Variants in DSTYK observed in about 807,000 individuals in gnomAD.
DSTYK encodes dual serine/threonine and tyrosine protein kinase, also known as RIP-homologous kinase.
DSTYK carries 34 observed loss-of-function variants against 98.7 expected under a neutral mutation model. The observed-to-expected ratio is 0.34, with a 90% confidence interval of 0.26 to 0.46. The LOEUF is 0.46. Ranked by LOEUF, DSTYK falls within the 20% of genes least tolerant of loss-of-function variation. The pLI is 1.00. For synonymous variants in DSTYK, 462 were observed against 457.3 expected (o/e 1.01, Z -0.13); for missense variants, 962 against 1,181.7 (o/e 0.81, Z 2.73).
At position 205,211,492 on chromosome 1, in the gene DSTYK, C is replaced by G. The variant is rs753322115; in HGVS notation, c.44G>C (p.Gly15Ala). 69 of 1,580,064 alleles carry G rather than the reference C, an allele frequency of 4.4e-5. No homozygotes were observed. Among genetic ancestry groups the G allele is most frequent in the Non-Finnish European group, 5.6e-5 (65 of 1,167,870 alleles). ...CATTCCGCCGCCGCCGGGGCCGGGA[C>G]CCGAGACGGGCTCGCTGCCCCATGG... is the stretch of plus-strand genomic sequence containing the variant. ...GVPWGSEPVS[G>A]PGPGGGGMIR... is the part of the protein sequence containing the mutation. Residue 15 changes from glycine to alanine, a missense_variant, in exon 1 of 13, where the codon GGT (glycine) becomes GCT (alanine). Physicochemically the swap from Gly to Ala is moderately conservative, Grantham distance 60. This residue lies in a region of DSTYK where 168 missense variants were observed against 120.0 expected (regional missense o/e 1.40). Coordinates refer to ENST00000367162, the MANE Select transcript of DSTYK (RefSeq NM_015375.3).
At chr1:205,164,023 T>A in intron 3 of DSTYK, 68 bp from the exon 4 acceptor site, 2 of 1,337,148 alleles carry the variant, frequency 1.5e-6, no homozygotes, top group Non-Finnish European at 2.1e-6. Flanking sequence ...AATAAAGTCA[T>A]CTCCCAAATC....
At position 205,143,562 on chromosome 1, in the gene DSTYK, CCAAAG is replaced by C. The variant is rs1657134853; in HGVS notation, c.*3991_*3995del. The stretch of plus-strand genomic sequence containing the variant: ...GAATACCAAGCATGCCATCATCTCT[CCAAAG>C]CAAGCCCAAAGGGGGCTTTAACTTC... On this transcript the variant is annotated 3_prime_UTR_variant, in exon 13 of 13. Transcript: ENST00000367162. 6.6e-6 allele frequency: 1 copy of C among 152,604 alleles called. No individual in the cohort carries two copies. The highest frequency in any genetic ancestry group is 2.1e-4 in the South Asian group (1 of 4,826). 9.5% of individuals were successfully genotyped at this position (152,604 alleles called of 1,614,324 possible).
chr1:205,182,058 A>G (rs551726560), intron 2 of DSTYK, among the ~76,000 whole-genome samples: 22 of 152,170 alleles, frequency 1.4e-4, no homozygotes, highest in Admixed American at 1.2e-3. Flanking sequence ...TAAAATAGCA[A>G]TATCTGTTTA....
In DSTYK at chr1:205,159,531, C is replaced by T. The variant is rs1657654491; in HGVS notation, c.2238+16G>A. On this transcript the variant is annotated intron_variant, in intron 9 of 12. Transcript: ENST00000367162. ...CCGTGGATTTGGCTGCCAGCTGGATCTTGCTCTCTCCTTACCTTCAGCCCT... is the reference window on the plus strand; with the variant it reads ...CCGTGGATTTGGCTGCCAGCTGGATTTTGCTCTCTCCTTACCTTCAGCCCT... 1.2e-6 allele frequency: 2 copies of T among 1,603,810 alleles called. No homozygotes were observed. Among genetic ancestry groups the T allele is most frequent in the Non-Finnish European group, 8.5e-7 (1 of 1,175,080 alleles).
intron 2 of DSTYK, chr1:205,173,032 T>C (rs1658113939): frequency 6.6e-6 from 1 of 152,122 alleles, no homozygotes. Flanking sequence ...AAATAGAACA[T>C]ACAACTGCAT....
intron 2 of DSTYK, among the ~76,000 whole-genome samples, chr1:205,185,740 GTAGCCAGGC>G (rs1658542198): frequency 6.6e-6 from 1 of 152,100 alleles, no homozygotes; most frequent in Non-Finnish European, 1.5e-5. Flanking sequence ...ATATAAAAAA[GTAGCCAGGC>G]GTGGTGGCTC....
intron 11 of DSTYK, among the ~76,000 whole-genome samples, chr1:205,149,720 C>T (rs1000712884): frequency 2.6e-5 from 4 of 152,302 alleles, no homozygotes; most frequent in African/African-American, 9.6e-5. Flanking sequence ...CCTCTGTCCC[C>T]TACTCAAAAG....
intron 2 of DSTYK, among the ~76,000 whole-genome samples, chr1:205,179,082 T>C (rs543625362): frequency 6.6e-6 from 1 of 151,354 alleles, no homozygotes; most frequent in Non-Finnish European, 1.5e-5. Flanking sequence ...TGAGCCAAGA[T>C]CTTGCTACTG....
chr1:205,205,611 A>G (rs1659176945), intron 1 of DSTYK, among the ~76,000 whole-genome samples: 1 of 151,890 alleles, frequency 6.6e-6, no homozygotes, highest in Non-Finnish European at 1.5e-5. Flanking sequence ...ATGCCCAGCT[A>G]ATTTTTTGTA....
intron 1 of DSTYK, among the ~76,000 whole-genome samples, chr1:205,210,114 C>T (rs1264292848): frequency 6.6e-6 from 1 of 152,042 alleles, no homozygotes; most frequent in Non-Finnish European, 1.5e-5. Context: ...GTTGGCCAGG[C>T]TGGTCCCGAA....
At chr1:205,181,428 C>T (rs1658393527) in intron 2 of DSTYK, among the ~76,000 whole-genome samples, 2 of 152,242 alleles carry the variant, frequency 1.3e-5, no homozygotes, top group East Asian at 1.9e-4. Context: ...GATCTCGGCT[C>T]ACTGCAACCT....
Position 205,162,059 on chromosome 1 carries a change from C to T in DSTYK, c.1795G>A (p.Ala599Thr). The change falls in exon 6 of 13, where the codon GCT becomes ACT. Residue 599 changes from alanine to threonine, a missense_variant. This residue lies in a region of DSTYK where 660 missense variants were observed against 855.0 expected (regional missense o/e 0.77). Coordinates refer to ENST00000367162, the MANE Select transcript of DSTYK (RefSeq NM_015375.3). ...ACCTGCCGCAAGGAGGCTGCAAAAG[C>T]CTCGTGGGAACTATTGAGCCGAGTC... ...FRTRLNSSHE[A>T]FAASLRQLEA... 6.2e-7 allele frequency: 1 copy of T among 1,613,864 alleles called. No individual in the cohort carries two copies. The highest frequency in any genetic ancestry group is 8.5e-7 in the Non-Finnish European group (1 of 1,179,808).
At chr1:205,151,831 G>A (rs1434103638) in intron 10 of DSTYK, among the ~76,000 whole-genome samples, 6 of 151,832 alleles carry the variant, frequency 4.0e-5, no homozygotes, top group South Asian at 4.2e-4. Flanking sequence ...GAAGGTTTTC[G>A]GGGACAATAA....
chr1:205,182,498 T>TAAAAA (rs386369411), intron 2 of DSTYK, among the ~76,000 whole-genome samples: 15 of 77,746 alleles, frequency 1.9e-4, no homozygotes, highest in Admixed American at 5.0e-4. Context: ...TTAAAAACGG[T>TAAAAA]AAAAAAAAAA....
In DSTYK at chr1:205,150,409, A is replaced by T. The variant is rs1228520861; in HGVS notation, c.2467+271T>A. Among the ~76,000 whole-genome samples the T allele has an allele frequency of 6.6e-6, 1 of 150,568 alleles. No homozygotes were observed. The highest frequency in any genetic ancestry group is 2.4e-5 in the African/African-American group (1 of 41,354). ...ACAGGAGTTATTCAATCAATACTTT[A>T]TGATTAAATAATTGGCTGATTATGG... On this transcript the variant is annotated intron_variant, in intron 11 of 12. Transcript: ENST00000367162. The surrounding 1 kb of genome is among the most constrained non-coding windows in gnomAD (Gnocchi z 4.1).
At position 205,148,322 on chromosome 1, in the gene DSTYK, C is replaced by T. The variant is rs1488242858; in HGVS notation, c.2485G>A (p.Val829Met). Residue 829 changes from valine to methionine, a missense_variant, in exon 12 of 13, where the codon GTG (valine) becomes ATG (methionine). Coordinates refer to ENST00000367162, the MANE Select transcript of DSTYK (RefSeq NM_015375.3). Reference protein sequence around the residue: ...ELFTGKYDNSVDVYAFGILFW... With the variant: ...ELFTGKYDNSMDVYAFGILFW... ...AGAATTCCAAAAGCGTAGACATCCA[C>T]GGAATTATCGTACTTCCCTGATGGC... 1 of 1,613,928 alleles carries T rather than the reference C, an allele frequency of 6.2e-7. No homozygotes were observed. Among genetic ancestry groups the T allele is most frequent in the Non-Finnish European group, 8.5e-7 (1 of 1,179,984 alleles).
chr1:205,176,476 T>TAAAAAAAAAAAAAAAA (rs61291677), intron 2 of DSTYK, among the ~76,000 whole-genome samples: 11 of 43,204 alleles, frequency 2.5e-4, no homozygotes, highest in Non-Finnish European at 3.6e-4. Flanking sequence ...AACTCCCTCT[T>TAAAAAAAAAAAAAAAA]AAAAAAAAAA....
At chr1:205,164,779 T>C (rs927494530) in intron 3 of DSTYK, among the ~76,000 whole-genome samples, 3 of 152,116 alleles carry the variant, frequency 2.0e-5, no homozygotes, top group Non-Finnish European at 2.9e-5. Flanking sequence ...AGCTTTTATG[T>C]CACATTTATA....
chr1:205,161,199 T>C (rs551116242), intron 7 of DSTYK, 59 bp downstream of exon 7: 2 of 1,596,428 alleles, frequency 1.3e-6, no homozygotes, highest in African/African-American at 1.3e-5. Context: ...AGGCTGGACA[T>C]AAGAATGTCA....
Sources: allele counts gnomAD v4.1 joint callset (sites outside exome capture counted in the v4.1 genomes callset), GRCh38; gene constraint gnomAD v4.1.1; regional missense constraint gnomAD v4.1.1; non-coding constraint Gnocchi (gnomAD v3.1); transcripts MANE v1.5; gene names NCBI Gene and HGNC (gene_info 2026-07-23, HGNC 2026-07-21).